The following MAP4K4 variants were observed in gnomAD, a reference collection of about 807,000 sequenced individuals.
MAP4K4 encodes the protein HPK/GCK-like kinase HGK.
A neutral mutation model predicts 189.6 loss-of-function variants in MAP4K4; 38 were observed. The observed-to-expected ratio is 0.20, with a 90% CI of 0.15 to 0.26. The LOEUF (loss-of-function observed/expected upper bound fraction) is 0.26. MAP4K4 is among the 10% of genes least tolerant of loss of function. The probability of loss-of-function intolerance (pLI) is 1.00; values close to 1 mark genes in which losing one functional copy is unlikely to be tolerated. For synonymous variants in MAP4K4, 610 were observed against 624.3 expected, an observed-to-expected ratio of 0.98 and a Z score of 0.34; for missense variants, 1,054 against 1,726.9, an observed-to-expected ratio of 0.61 and a Z score of 6.91.
Position 101,870,610 on chromosome 2 carries a change from CCA to C in MAP4K4, c.2760+197_2760+198del, listed in dbSNP as rs2150032989. 6.5e-6 allele frequency: 4 copies of C among 616,648 alleles called. No individual in the cohort carries two copies. The East Asian group carries it at 1.2e-4, about 19-fold the overall frequency. The allele number at this position is 616,648 out of a possible 1,614,324, so 38.2% of individuals were successfully genotyped here. On this transcript the variant is annotated intron_variant, in intron 23 of 32. Transcript: ENST00000324219. ...ATGCCCAGAAGGTAGCGAGTAGTCT[CCA>C]CCCCACATCGCTGCTCCTCTGCATG...
At chr2:101,853,298 G>C (rs1197961358) in intron 12 of MAP4K4, among the ~76,000 whole-genome samples, 1 of 152,166 alleles carries the variant, frequency 6.6e-6, no homozygotes, top group Non-Finnish European at 1.5e-5. Flanking sequence ...GAAGGATATA[G>C]AGACAGTGGG....
At chr2:101,869,922 T>A in intron 22 of MAP4K4, 125 bp downstream of exon 22, 1 of 1,308,112 alleles carries the variant, frequency 7.6e-7, no homozygotes, top group East Asian at 2.6e-5. Flanking sequence ...TTCTCGTGGA[T>A]TCAGCAGCAG....
At chr2:101,872,670 G>A (rs954507918) in intron 24 of MAP4K4, among the ~76,000 whole-genome samples, 1 of 152,152 alleles carries the variant, frequency 6.6e-6, no homozygotes, top group Non-Finnish European at 1.5e-5. Flanking sequence ...CCTGACTCAT[G>A]GGACAGGGAG....
intron 2 of MAP4K4, among the ~76,000 whole-genome samples, chr2:101,783,825 T>C (rs1191439670): frequency 6.6e-6 from 1 of 152,192 alleles, no homozygotes; most frequent in African/African-American, 2.4e-5. Context: ...TCTTCTCTTT[T>C]GATTTAGTGA....
chr2:101,876,976 T>C, intron 26 of MAP4K4, 27 bp from the exon 27 acceptor site: 1 of 1,613,040 alleles, frequency 6.2e-7, no homozygotes, highest in Non-Finnish European at 8.5e-7. Flanking sequence ...AGCATAAAAT[T>C]GAGGCCTTTC....
At chr2:101,811,385 A>AAAG (rs1553493549) in intron 3 of MAP4K4, among the ~76,000 whole-genome samples, 4,184 of 141,016 alleles carry the variant, frequency 0.03, 287 homozygotes, top group African/African-American at 0.11. Flanking sequence ...AAAAAAAAAA[A>AAAG]AAAAAAGAAT....
chr2:101,780,385 A>G (rs2086721323), intron 2 of MAP4K4, among the ~76,000 whole-genome samples: 2 of 152,208 alleles, frequency 1.3e-5, no homozygotes, highest in African/African-American at 4.8e-5. Context: ...TTGAAGTTAT[A>G]CTGTGGATAT....
chr2:101,717,176 A>G (rs998998672), intron 2 of MAP4K4, among the ~76,000 whole-genome samples: 2 of 152,182 alleles, frequency 1.3e-5, no homozygotes, highest in African/African-American at 2.4e-5. Flanking sequence ...GGCAACACCA[A>G]CACTCTACCT....
In MAP4K4 at chr2:101,817,899, G is replaced by A. The variant is rs1369831281; in HGVS notation, c.181-6029G>A. Among the ~76,000 whole-genome samples, 9 of 151,990 alleles carry A rather than the reference G, an allele frequency of 5.9e-5. No homozygotes were observed. The South Asian group carries it at 1.0e-3, about 18-fold the overall frequency. The stretch of plus-strand genomic sequence containing the variant: ...GAGACTGATTGATCTTGGGGGGTGC[G>A]GATTAATTTTAAGGAACATGTAATT... On this transcript the variant is annotated intron_variant, in intron 3 of 32. Transcript: ENST00000324219.
At chr2:101,730,674 A>C (rs936878724) in intron 2 of MAP4K4, among the ~76,000 whole-genome samples, 22 of 152,194 alleles carry the variant, frequency 1.4e-4, no homozygotes, top group Non-Finnish European at 2.5e-4. Context: ...AGGGTTAAGC[A>C]TACGTTTTTG....
intron 5 of MAP4K4, among the ~76,000 whole-genome samples, chr2:101,829,176 G>C (rs1049232456): frequency 3.3e-5 from 5 of 152,160 alleles, no homozygotes; most frequent in African/African-American, 1.2e-4. Context: ...CGTGGGAAAG[G>C]AACCACCCTG....
Position 101,745,086 on chromosome 2 carries a change from C to A in MAP4K4, c.124-45634C>A, listed in dbSNP as rs2064649539. Among the ~76,000 whole-genome samples, 3 of 152,062 alleles carry A rather than the reference C, an allele frequency of 2.0e-5. No homozygotes were observed. The South Asian group carries it at 6.2e-4, about 31-fold the overall frequency. ...AGATTTAAAAGTGTGAGATCAAAAG[C>A]TGAATATAGATAGAATGATGACGTT... On this transcript the variant is annotated intron_variant, in intron 2 of 32. Transcript: ENST00000324219.
intron 2 of MAP4K4, among the ~76,000 whole-genome samples, chr2:101,730,326 G>A (rs2149573099): frequency 1.3e-5 from 2 of 152,242 alleles, no homozygotes; most frequent in Admixed American, 1.3e-4. Context: ...TTGTAAATGG[G>A]GGCCAGCTCC....
At chr2:101,852,044 C>G (rs900049789) in intron 12 of MAP4K4, among the ~76,000 whole-genome samples, 2 of 151,676 alleles carry the variant, frequency 1.3e-5, no homozygotes, top group Admixed American at 6.6e-5. Context: ...AAAATGAACC[C>G]TTGGGCTTGA....
intron 2 of MAP4K4, among the ~76,000 whole-genome samples, chr2:101,709,326 C>G (rs2044121913): frequency 6.6e-6 from 1 of 152,202 alleles, no homozygotes; most frequent in Non-Finnish European, 1.5e-5. Flanking sequence ...CTTCAGACTC[C>G]CAAGTAGCTG....
chr2:101,849,128 G>T (rs2097200101), intron 12 of MAP4K4, among the ~76,000 whole-genome samples: 1 of 152,050 alleles, frequency 6.6e-6, no homozygotes. Flanking sequence ...CCTCAAAAAG[G>T]TGTTTTGTTT....
At chr2:101,840,809 T>C (rs2096894335) in intron 10 of MAP4K4, among the ~76,000 whole-genome samples, 1 of 152,206 alleles carries the variant, frequency 6.6e-6, no homozygotes, top group Admixed American at 6.5e-5. Flanking sequence ...AAAGAATTGG[T>C]CAAAGTCTGG....
chr2:101,882,500 T>G, intron 27 of MAP4K4, 51 bp from the exon 28 acceptor site: 7 of 1,389,304 alleles, frequency 5.0e-6, no homozygotes, highest in Non-Finnish European at 6.7e-6. Flanking sequence ...TTATTAATGA[T>G]GAGACCTACT....
At chr2:101,709,637 C>G (rs1559038944) in intron 2 of MAP4K4, among the ~76,000 whole-genome samples, 1 of 152,094 alleles carries the variant, frequency 6.6e-6, no homozygotes. Flanking sequence ...GAGGAATTCC[C>G]TTGTATAATA....
Sources: gnomAD v4.1 joint callset for allele counts (sites outside exome capture counted in the v4.1 genomes callset) on GRCh38, gnomAD v4.1.1 for gene constraint, MANE v1.5 for transcripts, NCBI Gene and HGNC (gene_info 2026-07-23, HGNC 2026-07-21) for gene names.